SLC16A12: variants seen among roughly 807,000 people sequenced by gnomAD.
The protein encoded by SLC16A12 is monocarboxylate transporter 12.
SLC16A12 carries 17 observed loss-of-function variants against 42.4 expected under a neutral mutation model. The observed-to-expected ratio is 0.40, with a 90% confidence interval of 0.27 to 0.60. The LOEUF (loss-of-function observed/expected upper bound fraction) is 0.60. SLC16A12 is among the 20% of genes least tolerant of loss of function. The pLI, the probability that SLC16A12 is intolerant of heterozygous loss-of-function variation, is 0.42. For missense variants in SLC16A12, 544 were observed against 623.0 expected (o/e 0.87, Z 1.35); for synonymous variants, 224 against 229.4 (o/e 0.98, Z 0.21).
chr10:89,498,037 CG>C (rs1564590108), intron 2 of SLC16A12, among the ~76,000 whole-genome samples: 1 of 152,104 alleles, frequency 6.6e-6, no homozygotes, highest in African/African-American at 2.4e-5. Flanking sequence ...GGGCCAGGCG[CG>C]GTGGCTCATA....
At chr10:89,454,846 TA>T (rs1182921944) in intron 3 of SLC16A12, among the ~76,000 whole-genome samples, 2 of 152,148 alleles carry the variant, frequency 1.3e-5, no homozygotes, top group East Asian at 3.9e-4. Context: ...ACTAGACTGT[TA>T]CCCTGTGACA....
intron 2 of SLC16A12, among the ~76,000 whole-genome samples, chr10:89,499,472 T>C (rs1842965818): frequency 6.6e-6 from 1 of 152,182 alleles, no homozygotes; most frequent in Non-Finnish European, 1.5e-5. Context: ...GAGAATCACT[T>C]GAACCTGGGA....
At chr10:89,539,722 A>G (rs1843699696), upstream of SLC16A12, among the ~76,000 whole-genome samples, 1 of 152,200 alleles carries the variant, frequency 6.6e-6, no homozygotes, top group Non-Finnish European at 1.5e-5. Context: ...TGTTCTCATG[A>G]CTAATTAAGA....
chr10:89,504,873 A>C (rs1264406409), intron 2 of SLC16A12, among the ~76,000 whole-genome samples: 3 of 152,206 alleles, frequency 2.0e-5, no homozygotes, highest in African/African-American at 7.2e-5. Flanking sequence ...GGGCAGAGGA[A>C]CATGCAGCCC....
chr10:89,445,551 A>G (rs999839698), intron 3 of SLC16A12, among the ~76,000 whole-genome samples: 1 of 152,214 alleles, frequency 6.6e-6, no homozygotes, highest in African/African-American at 2.4e-5. Context: ...AGAAACGAAT[A>G]ACATCAACGT....
At chr10:89,522,736 C>T (rs1843376576) in intron 2 of SLC16A12, among the ~76,000 whole-genome samples, 1 of 152,202 alleles carries the variant, frequency 6.6e-6, no homozygotes, top group Admixed American at 6.5e-5. Flanking sequence ...TCTATAACCT[C>T]AGACAAGTGA....
chr10:89,502,451 A>T (rs1843003187), intron 2 of SLC16A12, among the ~76,000 whole-genome samples: 1 of 152,118 alleles, frequency 6.6e-6, no homozygotes, highest in Non-Finnish European at 1.5e-5. Flanking sequence ...TCTCAAAAAA[A>T]CAAAAAACAA....
chr10:89,532,489 T>C (rs1564602168), intron 2 of SLC16A12, among the ~76,000 whole-genome samples: 1 of 152,226 alleles, frequency 6.6e-6, no homozygotes, highest in Non-Finnish European at 1.5e-5. Context: ...TCTTCAACTG[T>C]GTATTTAGTT....
Position 89,443,057 on chromosome 10 carries a change from G to T in SLC16A12, c.304+699C>A, listed in dbSNP as rs142411325. Among the ~76,000 whole-genome samples, 432 of 152,292 alleles carry T rather than the reference G, an allele frequency of 2.8e-3. 2 individuals are homozygous for T. The highest frequency in any genetic ancestry group is 9.5e-3 in the African/African-American group (396 of 41,562). ...TTTATTTTAAACAAATGCCAGGTTTGTTGTCCTCTACTACACAGATGGAAT... is the reference window on the plus strand; with the variant it reads ...TTTATTTTAAACAAATGCCAGGTTTTTTGTCCTCTACTACACAGATGGAAT... On this transcript the variant is annotated intron_variant, in intron 4 of 7. Coordinates refer to ENST00000371790, the MANE Select transcript of SLC16A12 (RefSeq NM_213606.4).
chr10:89,492,730 G>A (rs1355486949), intron 2 of SLC16A12, among the ~76,000 whole-genome samples: 1 of 151,754 alleles, frequency 6.6e-6, no homozygotes, highest in African/African-American at 2.4e-5. Flanking sequence ...TAGCACCATG[G>A]AGTTTATATT....
intron 2 of SLC16A12, among the ~76,000 whole-genome samples, chr10:89,523,735 A>G (rs963835486): frequency 6.6e-6 from 1 of 152,070 alleles, no homozygotes; most frequent in African/African-American, 2.4e-5. Flanking sequence ...CTGAAGCACT[A>G]CTCCAGGCAC....
At chr10:89,499,031 C>T (rs1370109619) in intron 2 of SLC16A12, among the ~76,000 whole-genome samples, 2 of 152,132 alleles carry the variant, frequency 1.3e-5, no homozygotes, top group Non-Finnish European at 2.9e-5. Flanking sequence ...TGAGAAGGAA[C>T]CAGAAAACCA....
intron 2 of SLC16A12, among the ~76,000 whole-genome samples, chr10:89,469,115 C>T (rs1256384520): frequency 6.6e-6 from 1 of 152,144 alleles, no homozygotes; most frequent in Non-Finnish European, 1.5e-5. Flanking sequence ...AAACTATAAG[C>T]AAAGGAAGCA....
intron 3 of SLC16A12, among the ~76,000 whole-genome samples, chr10:89,451,368 C>A (rs901233185): frequency 5.3e-5 from 8 of 151,968 alleles, no homozygotes; most frequent in African/African-American, 1.7e-4. Context: ...TAGAGCCTGG[C>A]ACTTAGAAGC....
intron 7 of SLC16A12, among the ~76,000 whole-genome samples, chr10:89,435,509 C>T (rs1378095263): frequency 6.6e-6 from 1 of 152,160 alleles, no homozygotes; most frequent in East Asian, 1.9e-4. Context: ...TCTTAGCTAC[C>T]TCTCTCCTAA....
chr10:89,505,728 T>A (rs1843050243), intron 2 of SLC16A12, among the ~76,000 whole-genome samples: 1 of 152,158 alleles, frequency 6.6e-6, no homozygotes, highest in South Asian at 2.1e-4. Flanking sequence ...CCCCAGATAC[T>A]GCACTTTTCC....
intron 2 of SLC16A12, among the ~76,000 whole-genome samples, chr10:89,486,664 A>AAAG (rs1564585989): frequency 1.1e-3 from 99 of 94,074 alleles, no homozygotes; most frequent in East Asian, 3.6e-3. Context: ...AGAAAGAAAG[A>AAAG]AAAGAAAGAA....
intron 7 of SLC16A12, among the ~76,000 whole-genome samples, chr10:89,435,795 A>G (rs565597437): frequency 7.9e-5 from 12 of 152,048 alleles, no homozygotes; most frequent in Non-Finnish European, 1.8e-4. Context: ...CCCTGCTCCC[A>G]TCATTAATAT....
At chr10:89,443,088 T>C (rs1281400325) in intron 4 of SLC16A12, among the ~76,000 whole-genome samples, 1 of 152,226 alleles carries the variant, frequency 6.6e-6, no homozygotes, top group Middle Eastern at 3.2e-3. Flanking sequence ...GGAATGTTAA[T>C]TCCATACATT....
Sources: allele counts gnomAD v4.1 joint callset (sites outside exome capture counted in the v4.1 genomes callset), GRCh38; gene constraint gnomAD v4.1.1; transcripts MANE v1.5; gene names NCBI Gene and HGNC (gene_info 2026-07-23, HGNC 2026-07-21).